The following EDC3 variants were observed in gnomAD, a reference collection of about 807,000 sequenced individuals.
EDC3 encodes enhancer of mRNA decapping 3, also known as enhancer of mRNA-decapping protein 3.
Under a neutral mutation model 41.8 loss-of-function variants are expected in EDC3, and 20 were observed. That is an observed-to-expected ratio of 0.48 (90% CI 0.34 to 0.70). The LOEUF is 0.70. Among genes scored for constraint, EDC3 ranks in the 30% least tolerant of loss-of-function variants. EDC3 has a pLI of 0.01. For synonymous variants in EDC3, 206 were observed against 243.2 expected (o/e 0.85, Z 1.42); for missense variants, 444 against 636.8 (o/e 0.70, Z 3.26).
chr15:74,674,926 A>C, intron 2 of EDC3, 35 bp downstream of exon 2: 1 of 1,612,480 alleles, frequency 6.2e-7, no homozygotes, highest in Non-Finnish European at 8.5e-7. Flanking sequence ...ACAGACCACC[A>C]GGTTGGATTC....
At chr15:74,655,527 C>G (rs2062535648) in intron 4 of EDC3, among the ~76,000 whole-genome samples, 1 of 152,166 alleles carries the variant, frequency 6.6e-6, no homozygotes, top group South Asian at 2.1e-4. Context: ...AGGATATACA[C>G]AGACATCTAC....
chr15:74,647,123 C>T (rs550162423), intron 4 of EDC3, among the ~76,000 whole-genome samples: 1 of 152,030 alleles, frequency 6.6e-6, no homozygotes, highest in Admixed American at 6.5e-5. Context: ...GATTCTCCTG[C>T]CTCAGCCTCC....
chr15:74,655,815 A>C lies in EDC3; in HGVS notation c.738T>G (p.His246Gln). The C allele has an allele frequency of 6.2e-7, 1 of 1,614,176 alleles. No homozygotes were observed. The highest frequency in any genetic ancestry group is 8.5e-7 in the Non-Finnish European group (1 of 1,180,042). Residue 246 changes from histidine (H) to glutamine (Q), a missense_variant, in exon 4 of 7, where the codon CAT becomes CAG. By Grantham distance (24) the His-to-Gln change is conservative. Transcript: ENST00000315127. ...GCTCGGACTCCAAGATGTTCTCATC[A>C]TGGCGGTACCGAGTGGGCCTTTCAT... ...IPNERPTRYR[H>Q]DENILESEPI...
chr15:74,645,866 AC>A (rs1017363867), intron 4 of EDC3, among the ~76,000 whole-genome samples: 1 of 151,870 alleles, frequency 6.6e-6, no homozygotes, highest in Non-Finnish European at 1.5e-5. Flanking sequence ...ATAGAGAGAG[AC>A]CTGTCTCAAA....
chr15:74,659,195 G>A (rs2062591278), intron 3 of EDC3, among the ~76,000 whole-genome samples: 1 of 152,154 alleles, frequency 6.6e-6, no homozygotes, highest in Non-Finnish European at 1.5e-5. Flanking sequence ...GGGCACAGTG[G>A]CTCAGGCCTG....
At chr15:74,659,842 C>T (rs1001982880) in intron 3 of EDC3, among the ~76,000 whole-genome samples, 2 of 151,956 alleles carry the variant, frequency 1.3e-5, no homozygotes, top group East Asian at 1.9e-4. Flanking sequence ...GTCAGGAGAT[C>T]GAGACCATCC....
At position 74,671,852 on chromosome 15, in the gene EDC3, C is replaced by T; in HGVS notation, c.165-78G>A. ...TGAAACTGAGATCATTAGCAAACAG[C>T]TACCCCTTTGCAGGACTGCATTTTA... is the stretch of plus-strand genomic sequence containing the variant. On this transcript the variant is annotated intron_variant, in intron 2 of 6. Transcript: ENST00000315127. This position sits in a 1 kb window ranked among gnomAD's most constrained non-coding sequence, Gnocchi z 4.6. 7.0e-7 allele frequency: 1 copy of T among 1,424,036 alleles called. No homozygotes were observed. 88.2% of individuals were successfully genotyped at this position (1,424,036 alleles called of 1,614,324 possible).
chr15:74,662,312 A>G (rs1221626671), intron 3 of EDC3, among the ~76,000 whole-genome samples: 1 of 152,164 alleles, frequency 6.6e-6, no homozygotes, highest in Non-Finnish European at 1.5e-5. Flanking sequence ...AGGAGTTTAT[A>G]AGCCAACAGA....
chr15:74,653,738 A>C (rs2062509559), intron 4 of EDC3, among the ~76,000 whole-genome samples: 1 of 152,238 alleles, frequency 6.6e-6, no homozygotes. Flanking sequence ...TATATGACAG[A>C]ACTTTTCACT....
At chr15:74,654,536 A>G (rs2062521590) in intron 4 of EDC3, among the ~76,000 whole-genome samples, 1 of 152,254 alleles carries the variant, frequency 6.6e-6, no homozygotes, top group Non-Finnish European at 1.5e-5. Context: ...TTGCCTTTAC[A>G]CAGGTGTTAA....
At chr15:74,657,788 C>T (rs1196768810) in intron 3 of EDC3, among the ~76,000 whole-genome samples, 1 of 152,238 alleles carries the variant, frequency 6.6e-6, no homozygotes, top group African/African-American at 2.4e-5. Context: ...ACATTCTGAG[C>T]CAGGTATACA....
chr15:74,681,064 T>C (rs935804776), intron 1 of EDC3, among the ~76,000 whole-genome samples: 8 of 152,228 alleles, frequency 5.3e-5, no homozygotes, highest in Non-Finnish European at 1.2e-4. Context: ...AAAGGATCAA[T>C]GCAATTCTTA....
chr15:74,694,959 T>TA (rs755076960), intron 1 of EDC3, among the ~76,000 whole-genome samples: 1,439 of 140,040 alleles, frequency 0.01, 2 homozygotes, highest in Middle Eastern at 0.018. Context: ...TGCCATTCAT[T>TA]AAAAAAAAAA....
chr15:74,670,010 A>ATTTTTTTTT (rs757043746), intron 3 of EDC3, among the ~76,000 whole-genome samples: 1 of 116,360 alleles, frequency 8.6e-6, no homozygotes, highest in African/African-American at 3.5e-5. Flanking sequence ...CGCCCAGCTA[A>ATTTTTTTTT]TTTTTTTTTT....
At chr15:74,691,214 A>G (rs2063004009) in intron 1 of EDC3, among the ~76,000 whole-genome samples, 1 of 152,084 alleles carries the variant, frequency 6.6e-6, no homozygotes, top group South Asian at 2.1e-4. Flanking sequence ...ACTAACCAGC[A>G]CTACGACCTG....
chr15:74,694,668 A>C (rs772707953), intron 1 of EDC3, among the ~76,000 whole-genome samples: 1 of 152,220 alleles, frequency 6.6e-6, no homozygotes, highest in Non-Finnish European at 1.5e-5. Context: ...AGTGAGTTGC[A>C]ACCAATATTT....
chr15:74,685,980 G>A (rs997732176), intron 1 of EDC3, among the ~76,000 whole-genome samples: 2 of 152,106 alleles, frequency 1.3e-5, no homozygotes, highest in African/African-American at 4.8e-5. Context: ...ATCACATGAG[G>A]TCAGGAGTTC....
intron 1 of EDC3, among the ~76,000 whole-genome samples, chr15:74,675,697 G>A (rs1161630589): frequency 5.3e-5 from 8 of 150,158 alleles, no homozygotes; most frequent in Admixed American, 4.0e-4. Context: ...TGGCTAACAC[G>A]GTGAAACCCC....
chr15:74,695,394 G>C (rs1238177091), intron 1 of EDC3: 1 of 152,184 alleles, frequency 6.6e-6, no homozygotes, highest in Non-Finnish European at 1.5e-5. Flanking sequence ...TGAATCCAGG[G>C]ATAACTTCCT....
Sources: allele counts gnomAD v4.1 joint callset (sites outside exome capture counted in the v4.1 genomes callset), GRCh38; gene constraint gnomAD v4.1.1; non-coding constraint Gnocchi (gnomAD v3.1); transcripts MANE v1.5; gene names NCBI Gene and HGNC (gene_info 2026-07-23, HGNC 2026-07-21).